Variants in DCHS2 observed in about 807,000 individuals in gnomAD.
DCHS2 encodes dachsous cadherin-related 2.
A neutral mutation model predicts 182.4 loss-of-function variants in DCHS2; 142 were observed. That is an observed-to-expected ratio of 0.78 (90% CI 0.68 to 0.89). DCHS2 has a LOEUF of 0.89. Ranked by LOEUF, DCHS2 falls within the 40% of genes least tolerant of loss-of-function variation. The probability of loss-of-function intolerance (pLI) is 0.00; values close to 1 mark genes in which losing one functional copy is unlikely to be tolerated. For missense variants in DCHS2, 4,319 were observed against 4,198.6 expected (o/e 1.03, Z -0.79); for synonymous variants, 1,740 against 1,663.3 (o/e 1.05, Z -1.12).
At chr4:154,487,199 C>G (rs1728619468) in intron 1 of DCHS2, among the ~76,000 whole-genome samples, 1 of 152,204 alleles carries the variant, frequency 6.6e-6, no homozygotes, top group African/African-American at 2.4e-5. Context: ...ACTTGTCCAA[C>G]CTGTCACCTA....
rs370433589 is a variant in DCHS2 at position 154,302,223 on chromosome 4, CTT to C, written c.5605+2444_5605+2445del. Among the ~76,000 whole-genome samples, 185 of 152,218 alleles carry C rather than the reference CTT, an allele frequency of 1.2e-3. 2 individuals carry two copies. Among genetic ancestry groups the C allele is most frequent in the African/African-American group, 3.9e-3 (163 of 41,550 alleles). On this transcript the variant is annotated intron_variant, in intron 12 of 19. Coordinates refer to ENST00000357232, the MANE Select transcript of DCHS2 (RefSeq NM_001358235.2). ...CATTCATACATATAATTGAAAAAAACTTAAGTAAAATTCTACATTTTTATTAA... is the reference window on the plus strand; with the variant it reads ...CATTCATACATATAATTGAAAAAAACAAGTAAAATTCTACATTTTTATTAA...
intron 4 of DCHS2, chr4:154,334,550 TCAAAAA>T: frequency 4.2e-6 from 1 of 238,226 alleles, no homozygotes; most frequent in African/African-American, 2.3e-5. Flanking sequence ...TGCATTTTTG[TCAAAAA>T]TTTGTAAATT....
At chr4:154,366,067 C>T in intron 3 of DCHS2, 143 bp downstream of exon 3, 1 of 642,790 alleles carries the variant, frequency 1.6e-6, no homozygotes. Flanking sequence ...TTTCAATATA[C>T]TTCAGCATCT....
chr4:154,307,905 CT>C (rs1205834813), intron 10 of DCHS2, among the ~76,000 whole-genome samples: 1 of 152,126 alleles, frequency 6.6e-6, no homozygotes, highest in East Asian at 1.9e-4. Flanking sequence ...CTCCCTCACC[CT>C]CTGCACCTGT....
chr4:154,418,008 G>C (rs1355662290), intron 1 of DCHS2, among the ~76,000 whole-genome samples: 3 of 152,160 alleles, frequency 2.0e-5, no homozygotes, highest in Non-Finnish European at 4.4e-5. Context: ...AATGATATTA[G>C]TAGGAAAAAT....
intron 2 of DCHS2, among the ~76,000 whole-genome samples, chr4:154,375,798 T>C (rs1340015407): frequency 1.3e-5 from 2 of 152,116 alleles, no homozygotes; most frequent in African/African-American, 2.4e-5. Context: ...ATTGCAAGTA[T>C]AAGAATGTTA....
chr4:154,376,811 C>T (rs1478031006), intron 2 of DCHS2, among the ~76,000 whole-genome samples: 2 of 152,096 alleles, frequency 1.3e-5, no homozygotes, highest in East Asian at 3.9e-4. Flanking sequence ...GGAAAATCTA[C>T]CGGACAAATG....
intron 1 of DCHS2, among the ~76,000 whole-genome samples, chr4:154,480,975 C>T (rs1011091230): frequency 6.6e-6 from 1 of 152,088 alleles, no homozygotes; most frequent in Non-Finnish European, 1.5e-5. Flanking sequence ...ATAATGTTTC[C>T]TTTAATATGC....
At chr4:154,451,446 A>C (rs1734530175) in intron 1 of DCHS2, among the ~76,000 whole-genome samples, 1 of 152,156 alleles carries the variant, frequency 6.6e-6, no homozygotes, top group Admixed American at 6.5e-5. Flanking sequence ...AAGTGTTATT[A>C]ATATATATAG....
At chr4:154,392,268 A>C (rs1279317044) in intron 1 of DCHS2, among the ~76,000 whole-genome samples, 1 of 152,140 alleles carries the variant, frequency 6.6e-6, no homozygotes, top group Non-Finnish European at 1.5e-5. Flanking sequence ...ATTCAGAATC[A>C]TTTGACTTTT....
At chr4:154,343,410 C>T in intron 3 of DCHS2, 1 of 1,300,296 alleles carries the variant, frequency 7.7e-7, no homozygotes, top group Non-Finnish European at 9.8e-7. Flanking sequence ...TAGATGGCAT[C>T]TTATTTCATA....
At chr4:154,459,732 CA>C (rs1734927598) in intron 1 of DCHS2, among the ~76,000 whole-genome samples, 1 of 139,834 alleles carries the variant, frequency 7.2e-6, no homozygotes, top group Admixed American at 7.5e-5. Context: ...AGTATCTACA[CA>C]TTCTCTCTCT....
In DCHS2 at chr4:154,489,399, CG is replaced by C; in HGVS notation, c.1956del (p.Val653Ter). On this transcript the variant is annotated frameshift_variant, in exon 1 of 20. Transcript: ENST00000357232. LOFTEE classifies it high-confidence loss of function. Reference sequence around the variant, plus strand: ...GGCTCATTGTCATTCACATCATCTACGGTGATGCTCACCAGGCAGGTGGCAG... The same window carrying C: ...GGCTCATTGTCATTCACATCATCTACGTGATGCTCACCAGGCAGGTGGCAG... ...PLSATCLVSITVDDVNDNEPI... is the reference protein window; with the variant it reads ...PLSATCLVSIXVDDVNDNEPI... 1 of 1,551,612 alleles carries C rather than the reference CG, an allele frequency of 6.4e-7. No individual in the cohort carries two copies. Among genetic ancestry groups the C allele is most frequent in the Non-Finnish European group, 8.7e-7 (1 of 1,146,870 alleles).
At chr4:154,429,863 C>T (rs1733487542) in intron 1 of DCHS2, among the ~76,000 whole-genome samples, 1 of 152,204 alleles carries the variant, frequency 6.6e-6, no homozygotes, top group Admixed American at 6.5e-5. Context: ...CTCCTCCTTA[C>T]TAGCTGTGTA....
At chr4:154,444,724 A>G (rs1734195659) in intron 1 of DCHS2, among the ~76,000 whole-genome samples, 1 of 152,160 alleles carries the variant, frequency 6.6e-6, no homozygotes, top group Non-Finnish European at 1.5e-5. Flanking sequence ...TGGTTTCAAA[A>G]GCCTTCACTC....
At chr4:154,428,022 A>G (rs1480788445) in intron 1 of DCHS2, among the ~76,000 whole-genome samples, 1 of 152,218 alleles carries the variant, frequency 6.6e-6, no homozygotes, top group East Asian at 1.9e-4. Flanking sequence ...GAGCCATGCC[A>G]TGTGGTTCTT....
chr4:154,326,878 A>G (rs1428430421), intron 7 of DCHS2, among the ~76,000 whole-genome samples: 1 of 152,110 alleles, frequency 6.6e-6, no homozygotes, highest in Non-Finnish European at 1.5e-5. Flanking sequence ...GCTTTTCCAC[A>G]TGATGTTTAG....
intron 1 of DCHS2, among the ~76,000 whole-genome samples, chr4:154,405,118 C>T (rs114203084): frequency 0.033 from 5,012 of 152,066 alleles, 112 homozygotes; most frequent in Non-Finnish European, 0.05. Context: ...GGCCTGGTGG[C>T]GGTCACCTGT....
chr4:154,401,128 T>C, intron 1 of DCHS2, among the ~76,000 whole-genome samples: 1 of 152,254 alleles, frequency 6.6e-6, no homozygotes. Flanking sequence ...TTAATTTTGC[T>C]CGTCCTTAAC....
Sources: allele counts gnomAD v4.1 joint callset (sites outside exome capture counted in the v4.1 genomes callset), GRCh38; gene constraint gnomAD v4.1.1; transcripts MANE v1.5; gene names NCBI Gene and HGNC (gene_info 2026-07-23, HGNC 2026-07-21).